CREB5: variants seen among roughly 807,000 people sequenced by gnomAD.
CREB5 encodes the protein cAMP responsive element binding protein 5.
Under a neutral mutation model 57.1 loss-of-function variants are expected in CREB5, and 19 were observed. The observed-to-expected ratio is 0.33, with a 90% CI of 0.23 to 0.49. The LOEUF is 0.49. Among genes scored for constraint, CREB5 ranks in the 20% least tolerant of loss-of-function variants. The probability of loss-of-function intolerance (pLI) is 0.99; values close to 1 mark genes in which losing one functional copy is unlikely to be tolerated. For missense variants in CREB5, 579 were observed against 671.6 expected, an observed-to-expected ratio of 0.86 and a Z score of 1.52; for synonymous variants, 238 against 238.3, an observed-to-expected ratio of 1.00 and a Z score of 0.01.
At chr7:28,701,175 CA>C (rs920217917) in intron 5 of CREB5, among the ~76,000 whole-genome samples, 10 of 152,114 alleles carry the variant, frequency 6.6e-5, no homozygotes, top group African/African-American at 2.2e-4. Flanking sequence ...GGAAAGAAAA[CA>C]GTGAAACCCA....
intron 4 of CREB5, among the ~76,000 whole-genome samples, chr7:28,543,462 ATACT>A (rs1170209630): frequency 6.6e-6 from 1 of 152,036 alleles, no homozygotes; most frequent in Non-Finnish European, 1.5e-5. Context: ...TCTTTTTAAA[ATACT>A]TAATTATATA....
intron 1 of CREB5, among the ~76,000 whole-genome samples, chr7:28,346,711 C>A (rs1308865954): frequency 1.3e-5 from 2 of 152,184 alleles, no homozygotes; most frequent in African/African-American, 4.8e-5. Flanking sequence ...TTTTCTTCAA[C>A]AGAAGCAATT....
chr7:28,479,720 G>A (rs563345599), intron 1 of CREB5, among the ~76,000 whole-genome samples: 11 of 152,246 alleles, frequency 7.2e-5, no homozygotes, highest in Admixed American at 2.0e-4. Flanking sequence ...TGCTGGGGTC[G>A]TGGGAAAAAA....
At chr7:28,602,816 G>A (rs1233809667) in intron 5 of CREB5, among the ~76,000 whole-genome samples, 1 of 152,122 alleles carries the variant, frequency 6.6e-6, no homozygotes, top group South Asian at 2.1e-4. Flanking sequence ...TTACACCTGT[G>A]ATAAAATTTC....
chr7:28,304,321 T>C (rs566959338), intron 1 of CREB5, among the ~76,000 whole-genome samples: 10 of 152,352 alleles, frequency 6.6e-5, no homozygotes, highest in South Asian at 4.1e-4. Context: ...CATAGACTTA[T>C]AGTACAAGAG....
At chr7:28,682,873 G>A (rs1016943650) in intron 5 of CREB5, among the ~76,000 whole-genome samples, 2 of 152,222 alleles carry the variant, frequency 1.3e-5, no homozygotes, top group Admixed American at 6.5e-5. Flanking sequence ...TTTGGAAAGA[G>A]TCCAAAAGCA....
chr7:28,681,936 T>TTGA (rs1800614328), intron 5 of CREB5, among the ~76,000 whole-genome samples: 1 of 152,196 alleles, frequency 6.6e-6, no homozygotes, highest in Non-Finnish European at 1.5e-5. Context: ...GGAAGCAGAA[T>TTGA]TGATGACAAT....
intron 7 of CREB5, among the ~76,000 whole-genome samples, chr7:28,784,072 G>A (rs1807155682): frequency 6.6e-6 from 1 of 152,246 alleles, no homozygotes; most frequent in African/African-American, 2.4e-5. Flanking sequence ...AGTAATGACT[G>A]CCGTCACTCA....
chr7:28,314,139 T>C (rs1785332552), intron 1 of CREB5, among the ~76,000 whole-genome samples: 1 of 152,202 alleles, frequency 6.6e-6, no homozygotes, highest in Non-Finnish European at 1.5e-5. Context: ...TTCACTGCCT[T>C]TGAAGTGCAG....
chr7:28,533,813 G>C (rs1411443988), intron 4 of CREB5, among the ~76,000 whole-genome samples: 1 of 152,110 alleles, frequency 6.6e-6, no homozygotes. Context: ...GCTCTTGAGG[G>C]GAATCATCCT....
At chr7:28,655,719 C>CT (rs1327411525) in intron 5 of CREB5, among the ~76,000 whole-genome samples, 2 of 152,104 alleles carry the variant, frequency 1.3e-5, no homozygotes, top group Non-Finnish European at 2.9e-5. Context: ...ATATTATGTG[C>CT]TTTTTTATCA....
intron 4 of CREB5, among the ~76,000 whole-genome samples, chr7:28,557,852 A>G (rs1214913164): frequency 9.2e-5 from 14 of 152,168 alleles, no homozygotes; most frequent in Non-Finnish European, 1.9e-4. Context: ...ATGAAATCAC[A>G]GTGGTAATAG....
chr7:28,436,387 G>T (rs1788963487), intron 1 of CREB5, among the ~76,000 whole-genome samples: 1 of 152,142 alleles, frequency 6.6e-6, no homozygotes, highest in Non-Finnish European at 1.5e-5. Flanking sequence ...GAAAACAGCA[G>T]TGTTGTTCCC....
upstream of CREB5, chr7:28,412,491 A>C (rs145837365): frequency 6.4e-6 from 1 of 156,674 alleles, no homozygotes; most frequent in African/African-American, 2.4e-5. Context: ...CAGGAGTATA[A>C]ACTGAGCATG....
intron 7 of CREB5, 83 bp from the exon 8 acceptor site, chr7:28,804,114 AAT>A: frequency 4.7e-6 from 6 of 1,279,092 alleles, no homozygotes; most frequent in Non-Finnish European, 6.6e-6. Flanking sequence ...TAGAATTGAA[AAT>A]GTGAGTCATT....
At chr7:28,347,269 C>T (rs1268468233) in intron 1 of CREB5, among the ~76,000 whole-genome samples, 1 of 152,090 alleles carries the variant, frequency 6.6e-6, no homozygotes, top group African/African-American at 2.4e-5. Context: ...TGTGTTGTTC[C>T]AGCCATTTTA....
intron 1 of CREB5, among the ~76,000 whole-genome samples, chr7:28,431,309 A>G (rs970294388): frequency 6.6e-6 from 1 of 152,246 alleles, no homozygotes. Context: ...ACAGCAATAC[A>G]TGTAAACAGG....
intron 5 of CREB5, among the ~76,000 whole-genome samples, chr7:28,682,915 T>A (rs1256854386): frequency 6.6e-6 from 1 of 152,226 alleles, no homozygotes; most frequent in Admixed American, 6.5e-5. Flanking sequence ...CTCAAAGGTT[T>A]CCACTTCTTC....
intron 1 of CREB5, among the ~76,000 whole-genome samples, chr7:28,368,883 CA>C (rs1351054593): frequency 6.6e-6 from 1 of 152,094 alleles, no homozygotes; most frequent in Non-Finnish European, 1.5e-5. Context: ...CCTCTTTCTA[CA>C]AAAAGTGAAA....
Sources: allele counts gnomAD v4.1 joint callset (sites outside exome capture counted in the v4.1 genomes callset), GRCh38; gene constraint gnomAD v4.1.1; transcripts MANE v1.5; gene names NCBI Gene and HGNC (gene_info 2026-07-23, HGNC 2026-07-21).